Variants in DGKB observed in about 807,000 individuals in gnomAD.
DGKB encodes the protein 90 kDa diacylglycerol kinase.
Under a neutral mutation model 114.3 loss-of-function variants are expected in DGKB, and 67 were observed. The observed-to-expected ratio is 0.59, with a 90% confidence interval of 0.48 to 0.72. The LOEUF (loss-of-function observed/expected upper bound fraction) is 0.72. Ranked by LOEUF, DGKB falls within the 30% of genes least tolerant of loss-of-function variation. The pLI, the probability that DGKB is intolerant of heterozygous loss-of-function variation, is 0.00. For synonymous variants in DGKB, 398 were observed against 323.1 expected, an observed-to-expected ratio of 1.23 and a Z score of -2.49; for missense variants, 907 against 975.2, an observed-to-expected ratio of 0.93 and a Z score of 0.93.
chr7:14,258,859 A>G (rs77275865), intron 23 of DGKB, among the ~76,000 whole-genome samples: 2,226 of 150,800 alleles, frequency 0.015, 49 homozygotes, highest in African/African-American at 0.052. Context: ...CTATCCCTCA[A>G]AAACATGTAA....
chr7:14,444,563 T>C (rs1431517), intron 21 of DGKB, among the ~76,000 whole-genome samples: 53,077 of 151,600 alleles, frequency 0.35, 9,605 homozygotes, highest in South Asian at 0.41. Context: ...AATATTTGGA[T>C]AGTAAATTGG....
At chr7:14,883,270 A>G (rs1287399049) in intron 1 of DGKB, among the ~76,000 whole-genome samples, 1 of 151,910 alleles carries the variant, frequency 6.6e-6, no homozygotes, top group Non-Finnish European at 1.5e-5. Context: ...ATACCTATAT[A>G]TTTGTTTGCA....
At position 14,390,964 on chromosome 7, in the gene DGKB, T is replaced by C. The variant is rs557904705; in HGVS notation, c.1836-45573A>G. The stretch of plus-strand genomic sequence containing the variant: ...TGTAGAGATTTTTACTGCTGCCTTC[T>C]TCAAGGACTCACCTCTTCAATTGCC... On this transcript the variant is annotated intron_variant, in intron 21 of 25. Transcript: ENST00000402815. Among the ~76,000 whole-genome samples the C allele has an allele frequency of 8.5e-5, 13 of 152,304 alleles. No individual in the cohort carries two copies. In the East Asian group the frequency reaches 2.5e-3, roughly 29 times the overall value.
At chr7:14,814,246 T>C (rs988125263) in intron 2 of DGKB, 2 of 152,152 alleles carry the variant, frequency 1.3e-5, no homozygotes, top group African/African-American at 4.8e-5. Flanking sequence ...ACAAGAAAAG[T>C]TGGCTCTTTT....
At chr7:14,160,177 G>A (rs1333145500) in intron 25 of DGKB, among the ~76,000 whole-genome samples, 1 of 152,066 alleles carries the variant, frequency 6.6e-6, no homozygotes, top group Non-Finnish European at 1.5e-5. Context: ...CATACTGAAT[G>A]GGCAAAAGCT....
At chr7:14,522,770 T>C (rs1433312514) in intron 20 of DGKB, among the ~76,000 whole-genome samples, 1 of 152,200 alleles carries the variant, frequency 6.6e-6, no homozygotes, top group Admixed American at 6.5e-5. Flanking sequence ...TTACAGTTTT[T>C]TGGGGAAAGA....
chr7:14,939,578 T>C (rs574015822), intron 1 of DGKB, among the ~76,000 whole-genome samples: 31 of 149,578 alleles, frequency 2.1e-4, no homozygotes, highest in African/African-American at 7.2e-4. Flanking sequence ...CTTGAGGAAA[T>C]AGAGCACAAA....
chr7:14,966,959 C>T (rs1459177869), intron 1 of DGKB, among the ~76,000 whole-genome samples: 1 of 152,046 alleles, frequency 6.6e-6, no homozygotes, highest in East Asian at 1.9e-4. Context: ...AAATATTATG[C>T]ATGAATTGTA....
chr7:14,719,361 A>T (rs576801095), intron 5 of DGKB, among the ~76,000 whole-genome samples: 2 of 150,604 alleles, frequency 1.3e-5, no homozygotes, highest in Admixed American at 1.3e-4. Context: ...TATCACAAGG[A>T]TATAGGTTGC....
intron 23 of DGKB, among the ~76,000 whole-genome samples, chr7:14,311,485 G>A (rs970995408): frequency 6.6e-6 from 1 of 151,820 alleles, no homozygotes; most frequent in African/African-American, 2.4e-5. Flanking sequence ...ACAATGACAT[G>A]TTCATGGCCC....
rs925325622 is a variant in DGKB, at chr7:14,188,432, G to A, written c.2123-10281C>T. Among the ~76,000 whole-genome samples, 11 of 148,184 alleles carry A rather than the reference G, an allele frequency of 7.4e-5. 1 individual carries two copies. Among genetic ancestry groups the A allele is most frequent in the African/African-American group, 2.2e-4 (9 of 40,522 alleles). Reference sequence around the variant, plus strand: ...TCCCAGCACTTTGGGAGGCCGAGGCGGGCGGATCACGAGGTCAGGAGATCG... The same window carrying A: ...TCCCAGCACTTTGGGAGGCCGAGGCAGGCGGATCACGAGGTCAGGAGATCG... On this transcript the variant is annotated intron_variant, in intron 23 of 25. Coordinates refer to ENST00000402815, the MANE Select transcript of DGKB (RefSeq NM_001350709.2).
At chr7:14,562,220 C>G (rs1156240578) in intron 20 of DGKB, among the ~76,000 whole-genome samples, 2 of 152,220 alleles carry the variant, frequency 1.3e-5, no homozygotes, top group Admixed American at 1.3e-4. Context: ...GTTTGGAAAC[C>G]TCCACCTAGA....
intron 17 of DGKB, among the ~76,000 whole-genome samples, chr7:14,590,325 C>A (rs548162043): frequency 1.3e-5 from 2 of 152,164 alleles, no homozygotes; most frequent in East Asian, 1.9e-4. Context: ...AACATTGGCA[C>A]TGAAGCTTAA....
intron 23 of DGKB, among the ~76,000 whole-genome samples, chr7:14,332,135 A>G (rs1585176485): frequency 6.6e-6 from 1 of 152,050 alleles, no homozygotes; most frequent in East Asian, 1.9e-4. Flanking sequence ...TCCATGAAAG[A>G]TAGTAGCTAG....
intron 21 of DGKB, among the ~76,000 whole-genome samples, chr7:14,376,429 T>A (rs2128667329): frequency 6.6e-6 from 1 of 152,320 alleles, no homozygotes; most frequent in African/African-American, 2.4e-5. Context: ...TATACTCTCA[T>A]CACAAAAATA....
intron 20 of DGKB, among the ~76,000 whole-genome samples, chr7:14,488,648 TAAA>T (rs10583401): frequency 4.1e-5 from 5 of 121,296 alleles, no homozygotes; most frequent in Admixed American, 8.4e-5. Flanking sequence ...CCATTTCCAC[TAAA>T]AAAAAAAAAA....
intron 23 of DGKB, among the ~76,000 whole-genome samples, chr7:14,243,556 A>T (rs769700224): frequency 1.3e-5 from 2 of 152,226 alleles, no homozygotes; most frequent in Non-Finnish European, 2.9e-5. Flanking sequence ...TAGGAGCTAT[A>T]CTTTTATACC....
At chr7:14,550,268 T>G (rs932582596) in intron 20 of DGKB, among the ~76,000 whole-genome samples, 1 of 151,900 alleles carries the variant, frequency 6.6e-6, no homozygotes, top group Non-Finnish European at 1.5e-5. Flanking sequence ...ACTTATTTAC[T>G]AAGGAGTTTA....
intron 1 of DGKB, among the ~76,000 whole-genome samples, chr7:14,892,759 TA>T (rs1297532840): frequency 1.3e-5 from 2 of 151,054 alleles, no homozygotes; most frequent in Non-Finnish European, 3.0e-5. Context: ...CTTATGACTA[TA>T]AAACCTAAAT....
Sources: allele counts gnomAD v4.1 joint callset (sites outside exome capture counted in the v4.1 genomes callset), GRCh38; gene constraint gnomAD v4.1.1; transcripts MANE v1.5; gene names NCBI Gene and HGNC (gene_info 2026-07-23, HGNC 2026-07-21).